CNTN5: variants seen among roughly 807,000 people sequenced by gnomAD.
The protein encoded by CNTN5 is contactin 5.
Under a neutral mutation model 129.1 loss-of-function variants are expected in CNTN5, and 77 were observed. The observed-to-expected ratio is 0.60, with a 90% CI of 0.50 to 0.72. The LOEUF is 0.72. Ranked by LOEUF, CNTN5 falls within the 30% of genes least tolerant of loss-of-function variation. CNTN5 has a pLI of 0.00. For synonymous variants in CNTN5, 509 were observed against 465.6 expected, an observed-to-expected ratio of 1.09 and a Z score of -1.20; for missense variants, 1,478 against 1,328.8, an observed-to-expected ratio of 1.11 and a Z score of -1.75.
At chr11:99,410,527 C>T (rs572823077) in intron 2 of CNTN5, among the ~76,000 whole-genome samples, 2 of 151,688 alleles carry the variant, frequency 1.3e-5, no homozygotes, top group African/African-American at 4.8e-5. Flanking sequence ...ATTTTTTTTG[C>T]AAGTATTTAT....
chr11:100,039,517 C>T (rs1330405201), intron 9 of CNTN5, among the ~76,000 whole-genome samples: 1 of 152,118 alleles, frequency 6.6e-6, no homozygotes, highest in Admixed American at 6.6e-5. Context: ...TGTTGGCCTG[C>T]CTTGCTAGAT....
chr11:99,046,214 C>T (rs1028245747), intron 1 of CNTN5, among the ~76,000 whole-genome samples: 3 of 152,034 alleles, frequency 2.0e-5, no homozygotes, highest in African/African-American at 7.2e-5. Context: ...GTGGTGCACA[C>T]CTGTAATCCC....
intron 1 of CNTN5, among the ~76,000 whole-genome samples, chr11:99,092,663 A>C (rs995090251): frequency 2.6e-5 from 4 of 152,094 alleles, no homozygotes; most frequent in African/African-American, 7.2e-5. Flanking sequence ...GAAGTCATTA[A>C]AATTATGATA....
rs1175757582 is a variant in CNTN5 at position 100,271,167 on chromosome 11, G to T, written c.2240G>T (p.Arg747Leu). 1.2e-6 allele frequency: 2 copies of T among 1,613,222 alleles called. No individual in the cohort carries two copies. The highest frequency in any genetic ancestry group is 1.7e-6 in the Non-Finnish European group (2 of 1,179,576). Residue 747 changes from arginine to leucine, a missense_variant, in exon 18 of 25, where the codon CGA becomes CTA. Coordinates refer to ENST00000524871, the MANE Select transcript of CNTN5 (RefSeq NM_014361.4). ...AATCCCTGGGTGGAATATGAATTTC[G>T]AGTGGTAGCCACCAACCCTATTGGG... ...DLNPWVEYEF[R>L]VVATNPIGTG...
Position 100,356,398 on chromosome 11 carries a change from T to C in CNTN5, c.*178T>C, listed in dbSNP as rs368668632. The C allele has an allele frequency of 1.9e-5, 11 of 592,794 alleles. No homozygotes were observed. Among genetic ancestry groups the C allele is most frequent in the African/African-American group, 1.7e-4 (9 of 53,338 alleles). The allele number at this position is 592,794 out of a possible 1,614,324, so 36.7% of individuals were successfully genotyped here. On this transcript the variant is annotated 3_prime_UTR_variant, in exon 25 of 25. Transcript: ENST00000524871. ...ATATTACTTATCCATCAGGTTTCTC[T>C]TTGGTTTTTGTAAACGGAGAGGACA... is the stretch of plus-strand genomic sequence containing the variant.
intron 12 of CNTN5, among the ~76,000 whole-genome samples, chr11:100,072,411 A>G (rs1336063047): frequency 6.6e-6 from 1 of 152,202 alleles, no homozygotes; most frequent in East Asian, 1.9e-4. Flanking sequence ...GCATTTCTTC[A>G]CTATTTAAAT....
intron 2 of CNTN5, among the ~76,000 whole-genome samples, chr11:99,477,317 A>C (rs1254783227): frequency 6.6e-6 from 1 of 151,912 alleles, no homozygotes; most frequent in South Asian, 2.1e-4. Flanking sequence ...TCTAATTTTC[A>C]CAAAGAAAAT....
chr11:99,556,000 T>C (rs985430379), intron 2 of CNTN5, 145 bp from the exon 3 acceptor site: 2 of 380,828 alleles, frequency 5.3e-6, no homozygotes, highest in African/African-American at 4.1e-5. Context: ...AACTGTATTA[T>C]TGCTGTCTAG....
chr11:99,302,523 T>C (rs1864688990), intron 1 of CNTN5, among the ~76,000 whole-genome samples: 5 of 151,910 alleles, frequency 3.3e-5, no homozygotes, highest in Admixed American at 2.6e-4. Context: ...TATTGATACA[T>C]AATACATATG....
chr11:100,208,729 T>C (rs1948963809), intron 15 of CNTN5, among the ~76,000 whole-genome samples: 2 of 152,190 alleles, frequency 1.3e-5, no homozygotes, highest in African/African-American at 4.8e-5. Context: ...AGAAGTCTCA[T>C]TCAATCATGG....
chr11:99,653,923 C>T (rs1713760101), intron 3 of CNTN5, among the ~76,000 whole-genome samples: 3 of 151,908 alleles, frequency 2.0e-5, no homozygotes, highest in Admixed American at 2.0e-4. Flanking sequence ...ATATATCCCT[C>T]TTTGTCTAAA....
At chr11:99,397,676 A>ATGTTTGTTTTGCTTGTT (rs1432422830) in intron 2 of CNTN5, among the ~76,000 whole-genome samples, 61 of 151,634 alleles carry the variant, frequency 4.0e-4, no homozygotes, top group Non-Finnish European at 6.8e-4. Context: ...AAATACTCTC[A>ATGTTTGTTTTGCTTGTT]TGTTTGTTTT....
At chr11:99,296,178 C>CATCAAGGA (rs1024793719) in intron 1 of CNTN5, among the ~76,000 whole-genome samples, 25 of 152,142 alleles carry the variant, frequency 1.6e-4, no homozygotes, top group Non-Finnish European at 2.6e-4. Flanking sequence ...AAGTTGTTCA[C>CATCAAGGA]ATCAAGGATG....
At chr11:99,115,044 C>G (rs1392561047) in intron 1 of CNTN5, among the ~76,000 whole-genome samples, 4 of 152,102 alleles carry the variant, frequency 2.6e-5, no homozygotes, top group Admixed American at 2.0e-4. Flanking sequence ...GAAAAGGGGT[C>G]TTTTTAACCA....
chr11:100,083,179 T>C (rs957551503), intron 13 of CNTN5, among the ~76,000 whole-genome samples: 1 of 151,950 alleles, frequency 6.6e-6, no homozygotes, highest in Non-Finnish European at 1.5e-5. Flanking sequence ...TAGCTGGGCG[T>C]GGTGGTGCAT....
At chr11:100,122,675 A>G (rs888693097) in intron 13 of CNTN5, among the ~76,000 whole-genome samples, 1 of 152,036 alleles carries the variant, frequency 6.6e-6, no homozygotes, top group African/African-American at 2.4e-5. Context: ...TTTGAAGACT[A>G]CTAAATGGGC....
At chr11:99,568,410 A>G (rs781658669) in intron 3 of CNTN5, among the ~76,000 whole-genome samples, 6 of 152,250 alleles carry the variant, frequency 3.9e-5, no homozygotes, top group Admixed American at 6.5e-5. Flanking sequence ...TTGTACCACT[A>G]TAATACTGCT....
chr11:99,341,484 A>C (rs749151610), intron 2 of CNTN5, among the ~76,000 whole-genome samples: 49 of 152,244 alleles, frequency 3.2e-4, no homozygotes, highest in Non-Finnish European at 5.0e-4. Context: ...ACGAGTTTGA[A>C]TCCCAATTCT....
intron 1 of CNTN5, among the ~76,000 whole-genome samples, chr11:99,034,085 A>G (rs1863560367): frequency 6.6e-6 from 1 of 152,190 alleles, no homozygotes; most frequent in African/African-American, 2.4e-5. Context: ...TGATCTGTAT[A>G]TATTCAACCA....
Sources: gnomAD v4.1 joint callset for allele counts (sites outside exome capture counted in the v4.1 genomes callset) on GRCh38, gnomAD v4.1.1 for gene constraint, MANE v1.5 for transcripts, NCBI Gene and HGNC (gene_info 2026-07-23, HGNC 2026-07-21) for gene names.